The following LRPAP1 variants were observed in gnomAD, a reference collection of about 807,000 sequenced individuals.
The protein encoded by LRPAP1 is alpha-2-macroglobulin receptor-associated protein.
In LRPAP1, 41 loss-of-function variants were observed where a neutral mutation model predicts 39.9. The ratio of observed to expected loss-of-function variants is 1.03; its 90% CI spans 0.80 to 1.33. LRPAP1 has a LOEUF of 1.33. LRPAP1 is among the 40% of genes most tolerant of loss of function. The probability of loss-of-function intolerance (pLI) is 0.00; values close to 1 mark genes in which losing one functional copy is unlikely to be tolerated. For synonymous variants in LRPAP1, 263 were observed against 212.7 expected (o/e 1.24, Z -2.06); for missense variants, 565 against 482.3 (o/e 1.17, Z -1.61).
In LRPAP1 at chr4:3,504,689, G is replaced by A. The variant is rs1292675660; in HGVS notation, c.*8285C>T. On this transcript the variant is annotated 3_prime_UTR_variant, in exon 8 of 8. Transcript: ENST00000650182. Reference sequence around the variant, plus strand: ...TTCTTGAACCCAGGAGGTGGAGGTTGCAGTGAGCCAAGATTGCGCCATTGC... The same window carrying A: ...TTCTTGAACCCAGGAGGTGGAGGTTACAGTGAGCCAAGATTGCGCCATTGC... 6.7e-6 allele frequency among the ~76,000 whole-genome samples: 1 copy of A among 149,670 alleles called. No individual in the cohort carries two copies. Among genetic ancestry groups the A allele is most frequent in the Non-Finnish European group, 1.5e-5 (1 of 67,776 alleles).
intron 1 of LRPAP1, among the ~76,000 whole-genome samples, chr4:3,527,299 T>C (rs971655809): frequency 6.6e-6 from 1 of 152,174 alleles, no homozygotes; most frequent in Non-Finnish European, 1.5e-5. Context: ...CCTGGACACT[T>C]GCCTGCGGCG....
At chr4:3,519,116 G>A in intron 3 of LRPAP1, 125 bp from the exon 4 acceptor site, 1 of 1,472,776 alleles carries the variant, frequency 6.8e-7, no homozygotes, top group Non-Finnish European at 9.0e-7. Flanking sequence ...CCAGGTTCTT[G>A]GCCTCACGAA....
In LRPAP1 at chr4:3,507,754, T is replaced by C. The variant is rs189588469; in HGVS notation, c.*5220A>G. On this transcript the variant is annotated 3_prime_UTR_variant, in exon 8 of 8. Transcript: ENST00000650182. Reference sequence around the variant, plus strand: ...CAAAAGTCAATGAAAAAGAAAACAATAGAAAAAAAAAATCAATGGACCCAA... The same window carrying C: ...CAAAAGTCAATGAAAAAGAAAACAACAGAAAAAAAAAATCAATGGACCCAA... 1.7e-4 allele frequency: 24 copies of C among 138,346 alleles called. No homozygotes were observed. The East Asian group carries it at 6.4e-3, about 37-fold the overall frequency. The allele number at this position is 138,346 out of a possible 1,614,324, so 8.6% of individuals were successfully genotyped here.
rs1729643028 is a variant in LRPAP1, at chr4:3,514,845, C to A, written c.918G>T (p.Arg306Ser). ...KQLEIAHEKLRHAESVGDGER... is the reference protein window; with the variant it reads ...KQLEIAHEKLSHAESVGDGER... ...CGCCGTCGCCCACGCTCTCTGCGTGCCTCAGCTTCTCGTGCGCAATCTCCA... is the reference window on the plus strand; with the variant it reads ...CGCCGTCGCCCACGCTCTCTGCGTGACTCAGCTTCTCGTGCGCAATCTCCA... The change falls in exon 7 of 8, where the codon AGG becomes AGT. Residue 306 changes from arginine (R) to serine (S), a missense_variant. Physicochemically the swap from Arg to Ser is moderately radical, Grantham distance 110. Coordinates refer to ENST00000650182, the MANE Select transcript of LRPAP1 (RefSeq NM_002337.4). 14 of 1,613,696 alleles carry A rather than the reference C, an allele frequency of 8.7e-6. No individual in the cohort carries two copies. Among genetic ancestry groups the A allele is most frequent in the African/African-American group, 1.3e-5 (1 of 74,952 alleles).
chr4:3,514,391 G>A (rs927422761), intron 7 of LRPAP1, among the ~76,000 whole-genome samples: 2 of 151,980 alleles, frequency 1.3e-5, no homozygotes, highest in Non-Finnish European at 2.9e-5. Flanking sequence ...CATCCCAGGG[G>A]CTGTGGGGAA....
chr4:3,515,926 C>A (rs1729679310), intron 6 of LRPAP1, 190 bp downstream of exon 6: 1 of 619,672 alleles, frequency 1.6e-6, no homozygotes, highest in Non-Finnish European at 2.9e-6. Flanking sequence ...CCTGGCCCCG[C>A]CCCTGAAACA....
intron 1 of LRPAP1, among the ~76,000 whole-genome samples, chr4:3,526,176 C>T (rs186188450): frequency 2.4e-4 from 36 of 152,288 alleles, no homozygotes; most frequent in Admixed American, 1.8e-3. Context: ...AGGAAGTGCT[C>T]GGCACTGTGC....
At chr4:3,513,173 C>T in intron 7 of LRPAP1, 137 bp from the exon 8 acceptor site, 1 of 646,402 alleles carries the variant, frequency 1.5e-6, no homozygotes, top group Non-Finnish European at 2.7e-6. Flanking sequence ...CAATTCCACA[C>T]CCATCCAGAA....
At chr4:3,514,094 T>C (rs984586022) in intron 7 of LRPAP1, among the ~76,000 whole-genome samples, 1 of 152,260 alleles carries the variant, frequency 6.6e-6, no homozygotes, top group South Asian at 2.1e-4. Flanking sequence ...CCTGAGCTCC[T>C]GCCCACGGGC....
At chr4:3,527,708 G>A (rs953165515) in intron 1 of LRPAP1, among the ~76,000 whole-genome samples, 9 of 152,196 alleles carry the variant, frequency 5.9e-5, no homozygotes, top group South Asian at 2.1e-4. Context: ...GAGGATGCAG[G>A]TGTCCCATGA....
intron 2 of LRPAP1, among the ~76,000 whole-genome samples, chr4:3,520,536 G>C (rs1729880653): frequency 6.6e-6 from 1 of 152,210 alleles, no homozygotes; most frequent in African/African-American, 2.4e-5. Context: ...TGGGCTGTAA[G>C]AGTGGTTACC....
Position 3,514,863 on chromosome 4 carries a change from A to C in LRPAP1, c.900T>G (p.Ile300Met). 6.2e-7 allele frequency: 1 copy of C among 1,613,858 alleles called. No homozygotes were observed. The change falls in exon 7 of 8, where the codon ATT becomes ATG. Residue 300 changes from isoleucine to methionine, a missense_variant. By Grantham distance (10) the Ile-to-Met change is conservative. Transcript: ENST00000650182. ...KHNHYQKQLE[I>M]AHEKLRHAES... The stretch of plus-strand genomic sequence containing the variant: ...CTGCGTGCCTCAGCTTCTCGTGCGC[A>C]ATCTCCAGCTGCTTCTGGTAGTGGT...
intron 6 of LRPAP1, among the ~76,000 whole-genome samples, chr4:3,515,185 A>C (rs1729655934): frequency 6.6e-6 from 1 of 152,050 alleles, no homozygotes; most frequent in Non-Finnish European, 1.5e-5. Flanking sequence ...CCCCGAATCT[A>C]GGGGGCCTCC....
intron 7 of LRPAP1, among the ~76,000 whole-genome samples, chr4:3,513,613 A>G (rs1339822015): frequency 6.6e-6 from 1 of 152,050 alleles, no homozygotes; most frequent in African/African-American, 2.4e-5. Context: ...CCAGCCCCAC[A>G]GTGTTATTTT....
Position 3,510,615 on chromosome 4 carries a change from C to T in LRPAP1, c.*2359G>A, listed in dbSNP as rs1470329892. 5 of 152,302 alleles carry T rather than the reference C, an allele frequency of 3.3e-5. No individual in the cohort carries two copies. The highest frequency in any genetic ancestry group is 2.0e-4 in the Admixed American group (3 of 15,294). 9.4% of individuals were successfully genotyped at this position (152,302 alleles called of 1,614,324 possible). A position where few individuals can be genotyped will look rare whatever the true frequency, so the allele number is the denominator to read the frequency against. On this transcript the variant is annotated 3_prime_UTR_variant, in exon 8 of 8. Coordinates refer to ENST00000650182, the MANE Select transcript of LRPAP1 (RefSeq NM_002337.4). Reference sequence around the variant, plus strand: ...CTGCAACCCACACTGGAAACGTACACTCCTGAGTAGGGACTGGATACACAC... The same window carrying T: ...CTGCAACCCACACTGGAAACGTACATTCCTGAGTAGGGACTGGATACACAC...
intron 1 of LRPAP1, among the ~76,000 whole-genome samples, chr4:3,530,080 G>T (rs764419037): frequency 1.3e-5 from 2 of 152,154 alleles, no homozygotes; most frequent in African/African-American, 4.8e-5. Context: ...GTCAGGTGGG[G>T]TAAGAAGCCG....
chr4:3,525,626 C>T (rs1191177689), intron 1 of LRPAP1, among the ~76,000 whole-genome samples: 3 of 152,130 alleles, frequency 2.0e-5, no homozygotes, highest in East Asian at 3.9e-4. Context: ...TACCTGCTGG[C>T]GTAGACCACA....
chr4:3,531,202 G>A (rs927161310), intron 1 of LRPAP1, among the ~76,000 whole-genome samples: 2 of 152,138 alleles, frequency 1.3e-5, no homozygotes, highest in Non-Finnish European at 2.9e-5. Context: ...AGCAGTTCAG[G>A]AAGGGCCTGT....
chr4:3,525,290 C>T (rs1318894574), intron 1 of LRPAP1: 3 of 532,600 alleles, frequency 5.6e-6, no homozygotes, highest in Admixed American at 3.2e-5. Flanking sequence ...TCGGGGGCTC[C>T]CCACCAGCAG....
Sources: allele counts gnomAD v4.1 joint callset (sites outside exome capture counted in the v4.1 genomes callset), GRCh38; gene constraint gnomAD v4.1.1; transcripts MANE v1.5; gene names NCBI Gene and HGNC (gene_info 2026-07-23, HGNC 2026-07-21).